LIMCH1: variants seen among roughly 807,000 people sequenced by gnomAD.
LIMCH1 encodes LIM and calponin homology domains-containing protein 1.
LIMCH1 carries 113 observed loss-of-function variants against 176.5 expected under a neutral mutation model. The ratio of observed to expected loss-of-function variants is 0.64; its 90% CI spans 0.55 to 0.75. The LOEUF is 0.75. LIMCH1 is among the 30% of genes least tolerant of loss of function. The pLI is 0.00. For synonymous variants in LIMCH1, 619 were observed against 645.9 expected (o/e 0.96, Z 0.63); for missense variants, 1,674 against 1,814.9 (o/e 0.92, Z 1.41).
intron 1 of LIMCH1, among the ~76,000 whole-genome samples, chr4:41,588,823 G>A (rs924605653): frequency 5.3e-5 from 8 of 152,168 alleles, no homozygotes; most frequent in Non-Finnish European, 1.2e-4. Flanking sequence ...AAATAGCTGA[G>A]GAGAGATGTC....
At chr4:41,607,880 C>A (rs1337436398) in intron 4 of LIMCH1, among the ~76,000 whole-genome samples, 3 of 152,150 alleles carry the variant, frequency 2.0e-5, no homozygotes, top group Non-Finnish European at 2.9e-5. Context: ...ATATCTCCAT[C>A]TAGAGAGAAA....
At chr4:41,626,381 AC>A (rs1421539909) in intron 7 of LIMCH1, among the ~76,000 whole-genome samples, 2 of 152,202 alleles carry the variant, frequency 1.3e-5, no homozygotes, top group Admixed American at 1.3e-4. Context: ...AGGAACAGTA[AC>A]AAAAAGCTTC....
At chr4:41,687,179 T>G (rs574190790) in intron 28 of LIMCH1, among the ~76,000 whole-genome samples, 102 of 152,288 alleles carry the variant, frequency 6.7e-4, no homozygotes, top group Non-Finnish European at 1.2e-3. Flanking sequence ...CAAATGATAT[T>G]AACTTTTAAA....
chr4:41,680,921 C>T (rs1252178768), intron 24 of LIMCH1, 34 bp from the exon 25 acceptor site: 1 of 1,146,482 alleles, frequency 8.7e-7, no homozygotes. Context: ...TTTTTATTTT[C>T]CCCCCTTTCA....
chr4:41,365,200 T>C (rs907230640), intron 1 of LIMCH1, among the ~76,000 whole-genome samples: 8 of 152,240 alleles, frequency 5.3e-5, no homozygotes, highest in African/African-American at 1.9e-4. Flanking sequence ...AATCAGAGTG[T>C]GCCCATGGGG....
intron 2 of LIMCH1, among the ~76,000 whole-genome samples, chr4:41,514,807 CTGTCCTTAGTTTACA>C (rs1307881049): frequency 2.0e-5 from 3 of 152,184 alleles, no homozygotes. Context: ...CTTGCTATGC[CTGTCCTTAGTTTACA>C]TCCTTACTAT....
intron 15 of LIMCH1, among the ~76,000 whole-genome samples, chr4:41,645,054 A>G (rs2094001576): frequency 6.6e-6 from 1 of 152,244 alleles, no homozygotes; most frequent in Admixed American, 6.5e-5. Flanking sequence ...TAGTAACTCA[A>G]TGAACTAGCA....
Position 41,388,031 on chromosome 4 carries a change from A to G in LIMCH1, c.96+27095A>G, listed in dbSNP as rs542032775. On this transcript the variant is annotated intron_variant, in intron 1 of 26. Transcript: ENST00000313860. Reference sequence around the variant, plus strand: ...AGGCTGAGGCAGGAGAATCACTTGAACCCAAGAAGCGGAGGTTGCAGTGAG... The same window carrying G: ...AGGCTGAGGCAGGAGAATCACTTGAGCCCAAGAAGCGGAGGTTGCAGTGAG... Among the ~76,000 whole-genome samples, 7 of 152,250 alleles carry G rather than the reference A, an allele frequency of 4.6e-5. No individual in the cohort carries two copies. The South Asian group carries it at 1.5e-3, about 32-fold the overall frequency.
intron 1 of LIMCH1, among the ~76,000 whole-genome samples, chr4:41,449,506 T>C (rs1348855779): frequency 1.3e-5 from 2 of 152,320 alleles, no homozygotes; most frequent in East Asian, 3.9e-4. Flanking sequence ...TTGCTTACAT[T>C]TTCTCCCCAC....
At chr4:41,481,254 G>T (rs757026486) in intron 1 of LIMCH1, among the ~76,000 whole-genome samples, 1 of 152,140 alleles carries the variant, frequency 6.6e-6, no homozygotes, top group Non-Finnish European at 1.5e-5. Context: ...TAGATATAGG[G>T]AACTATTGTT....
At position 41,525,240 on chromosome 4, in the gene LIMCH1, ACG is replaced by A. The variant is rs201657419; in HGVS notation, c.237+770_237+771del. Among the ~76,000 whole-genome samples, 951 of 152,312 alleles carry A rather than the reference ACG, an allele frequency of 6.2e-3. 10 individuals are homozygous for A. The highest frequency in any genetic ancestry group is 0.022 in the African/African-American group (900 of 41,568). On this transcript the variant is annotated intron_variant, in intron 3 of 26. Transcript: ENST00000313860. ...TTGGCATATGTGTGTGTGCGTGCAC[ACG>A]CGCGCGCACACACACACACAGAGCA...
At chr4:41,443,100 T>C (rs2062868028) in intron 1 of LIMCH1, among the ~76,000 whole-genome samples, 1 of 152,106 alleles carries the variant, frequency 6.6e-6, no homozygotes, top group Admixed American at 6.6e-5. Flanking sequence ...CAAGCAACAG[T>C]TTCACTTTTG....
rs772218237 is a variant in LIMCH1 at position 41,684,570 on chromosome 4, C to T, written c.3967+52C>T. The T allele has an allele frequency of 3.8e-6, 6 of 1,594,752 alleles. No individual in the cohort carries two copies. In the South Asian group the frequency reaches 6.8e-5, roughly 18 times the overall value. On this transcript the variant is annotated intron_variant, in intron 27 of 31. Transcript: ENST00000503057. ...TCAATGTTTAAATTGTTGTAAGACC[C>T]CCACATTGTCCAGAAAGCTATGATC...
chr4:41,508,926 T>C (rs532104236), intron 2 of LIMCH1, among the ~76,000 whole-genome samples: 30 of 152,214 alleles, frequency 2.0e-4, no homozygotes, highest in Non-Finnish European at 4.3e-4. Flanking sequence ...TAGGTCTAGC[T>C]CATGTTTGTG....
intron 1 of LIMCH1, among the ~76,000 whole-genome samples, chr4:41,457,604 A>G (rs1045521174): frequency 2.0e-5 from 3 of 152,182 alleles, no homozygotes; most frequent in African/African-American, 4.8e-5. Flanking sequence ...AGCCCAAATC[A>G]TAGAGTCACT....
chr4:41,647,728 C>G (rs1426972449), intron 17 of LIMCH1, among the ~76,000 whole-genome samples: 1 of 152,218 alleles, frequency 6.6e-6, no homozygotes, highest in Non-Finnish European at 1.5e-5. Context: ...ACTGATTGAG[C>G]AGTGTGATGC....
chr4:41,382,670 C>G (rs958294786), intron 1 of LIMCH1, among the ~76,000 whole-genome samples: 2 of 152,158 alleles, frequency 1.3e-5, no homozygotes, highest in African/African-American at 4.8e-5. Flanking sequence ...TTTGGTTTCC[C>G]CTGTCTCAAA....
At chr4:41,478,976 C>A (rs536013606) in intron 1 of LIMCH1, among the ~76,000 whole-genome samples, 1 of 152,096 alleles carries the variant, frequency 6.6e-6, no homozygotes, top group East Asian at 1.9e-4. Flanking sequence ...AGCCCCCAAA[C>A]ATTTTATTGT....
intron 1 of LIMCH1, among the ~76,000 whole-genome samples, chr4:41,400,486 G>A (rs2058313445): frequency 6.6e-6 from 1 of 152,154 alleles, no homozygotes; most frequent in African/African-American, 2.4e-5. Flanking sequence ...TTGGCAATTT[G>A]CACTGCATGC....
Sources: gnomAD v4.1 joint callset for allele counts (sites outside exome capture counted in the v4.1 genomes callset) on GRCh38, gnomAD v4.1.1 for gene constraint, MANE v1.5 for transcripts, NCBI Gene and HGNC (gene_info 2026-07-23, HGNC 2026-07-21) for gene names.